The following BPTF variants were observed in gnomAD, a reference collection of about 807,000 sequenced individuals.
The protein encoded by BPTF is nucleosome-remodeling factor subunit BPTF.
Under a neutral mutation model 292.5 loss-of-function variants are expected in BPTF, and 18 were observed. The observed-to-expected ratio is 0.06, with a 90% CI of 0.04 to 0.09. BPTF has a LOEUF of 0.09. Ranked by LOEUF, BPTF falls within the 10% of genes least tolerant of loss-of-function variation. The pLI is 1.00. For missense variants in BPTF, 2,726 were observed against 3,498.7 expected, an observed-to-expected ratio of 0.78 and a Z score of 5.57; for synonymous variants, 1,225 against 1,251.9, an observed-to-expected ratio of 0.98 and a Z score of 0.45.
intron 13 of BPTF, among the ~76,000 whole-genome samples, chr17:67,921,803 G>A (rs1204579168): frequency 5.9e-5 from 9 of 152,112 alleles, no homozygotes; most frequent in African/African-American, 1.9e-4. Flanking sequence ...AGGCCAAGGC[G>A]GGTGGGTCAT....
chr17:67,896,023 G>A (rs2061419220), intron 7 of BPTF, among the ~76,000 whole-genome samples: 1 of 150,916 alleles, frequency 6.6e-6, no homozygotes, highest in South Asian at 2.1e-4. Context: ...GAGTGCAGTG[G>A]CGTGATCTCG....
rs1785900439 is a variant in BPTF at position 67,853,966 on chromosome 17, C to G, written c.640C>G (p.Pro214Ala). Residue 214 changes from proline (P) to alanine (A), a missense_variant, in exon 2 of 28, where the codon CCT (proline) becomes GCT (alanine). Pro to Ala is a conservative substitution (Grantham distance 27). This residue lies in a region of BPTF where 153 missense variants were observed against 178.3 expected (regional missense o/e 0.86). Transcript: ENST00000306378. ...TAGGCGAAAACCAAGAGTACATCGG[C>G]CTCGTTCTCCTATATTGGAAGAAAA... The part of the protein sequence containing the change: ...PGRRKPRVHR[P>A]RSPILEEKDI... 1.9e-6 allele frequency: 3 copies of G among 1,612,816 alleles called. No homozygotes were observed. Among genetic ancestry groups the G allele is most frequent in the Middle Eastern group, 3.3e-4 (2 of 6,058 alleles).
chr17:67,955,303 AAG>A (rs2066822714), intron 23 of BPTF: 1 of 127,582 alleles, frequency 7.8e-6, no homozygotes, highest in African/African-American at 2.7e-5. Flanking sequence ...AAAAAAAAAA[AAG>A]CTTCCTGAGG....
chr17:67,875,719 A>G, intron 4 of BPTF: 1 of 1,601,066 alleles, frequency 6.2e-7, no homozygotes, highest in Non-Finnish European at 8.5e-7. Flanking sequence ...AGAAGGTGGC[A>G]TCTGAGCTCC....
intron 4 of BPTF, 94 bp downstream of exon 4, chr17:67,875,114 G>A (rs2059976005): frequency 2.9e-6 from 3 of 1,024,276 alleles, no homozygotes; most frequent in South Asian, 3.1e-5. Flanking sequence ...AATATTGCAA[G>A]CAGCTACCTA....
chr17:67,937,785 ACTTATCC>A (rs1568120264), intron 18 of BPTF, among the ~76,000 whole-genome samples: 1 of 152,098 alleles, frequency 6.6e-6, no homozygotes, highest in Non-Finnish European at 1.5e-5. Context: ...TCACACTGGA[ACTTATCC>A]CTCTTCCTAC....
intron 4 of BPTF, among the ~76,000 whole-genome samples, chr17:67,880,117 T>A (rs904838483): frequency 1.3e-5 from 2 of 152,194 alleles, no homozygotes; most frequent in Non-Finnish European, 2.9e-5. Flanking sequence ...CGTATCTTTT[T>A]TATATATATA....
chr17:67,828,245 A>G (rs2056301862), intron 1 of BPTF, among the ~76,000 whole-genome samples: 1 of 152,002 alleles, frequency 6.6e-6, no homozygotes, highest in African/African-American at 2.4e-5. Context: ...CGTTTTTTAT[A>G]GTAATAATTT....
At chr17:67,857,700 C>T (rs1230301336) in intron 2 of BPTF, among the ~76,000 whole-genome samples, 2 of 151,504 alleles carry the variant, frequency 1.3e-5, no homozygotes, top group Non-Finnish European at 2.9e-5. Context: ...CTTGTGAGCT[C>T]GAGCCATCTG....
At chr17:67,892,347 A>G (rs1302864210) in intron 5 of BPTF, among the ~76,000 whole-genome samples, 2 of 152,190 alleles carry the variant, frequency 1.3e-5, no homozygotes, top group African/African-American at 4.8e-5. Context: ...TGAGTAGGCT[A>G]TTTTGGGTTT....
chr17:67,931,302 AAATGAATG>A (rs974697240), intron 17 of BPTF, among the ~76,000 whole-genome samples: 1 of 151,798 alleles, frequency 6.6e-6, no homozygotes, highest in Non-Finnish European at 1.5e-5. Context: ...CTAAATAAGT[AAATGAATG>A]AATGAATGAA....
chr17:67,839,952 GT>G lies in BPTF; in HGVS notation c.613+13625del, dbSNP rs552165061. Among the ~76,000 whole-genome samples the G allele has an allele frequency of 4.5e-3, 672 of 149,086 alleles. 5 individuals are homozygous for G. Among genetic ancestry groups the G allele is most frequent in the African/African-American group, 0.015 (628 of 40,666 alleles). On this transcript the variant is annotated intron_variant, in intron 1 of 27. Transcript: ENST00000306378. ...TCCTCCCTAGTACTTGATATTGTCA[GT>G]TTTTTTTTTAAAAGACACCTTAATA...
chr17:67,867,775 TC>T (rs1448034217), intron 3 of BPTF, among the ~76,000 whole-genome samples: 2 of 152,164 alleles, frequency 1.3e-5, no homozygotes, highest in Non-Finnish European at 2.9e-5. Context: ...GCAATTCTCA[TC>T]TTCTTATCAA....
chr17:67,964,470 AGGATTTC>A, intron 25 of BPTF, 66 bp downstream of exon 25: 3 of 1,493,584 alleles, frequency 2.0e-6, no homozygotes, highest in Non-Finnish European at 2.7e-6. Flanking sequence ...AAGCATTTCT[AGGATTTC>A]AAGTTTCCAA....
At chr17:67,859,991 T>C (rs2058977790) in intron 2 of BPTF, among the ~76,000 whole-genome samples, 1 of 152,210 alleles carries the variant, frequency 6.6e-6, no homozygotes, top group African/African-American at 2.4e-5. Context: ...TTATTTTTCT[T>C]AGTGGAACAG....
intron 27 of BPTF, chr17:67,981,331 A>G (rs2070329602): frequency 7.3e-6 from 2 of 275,126 alleles, no homozygotes; most frequent in Non-Finnish European, 1.2e-5. Flanking sequence ...CCTTTGCCAT[A>G]TTTTCCCATT....
chr17:67,881,860 T>TTTTTG lies in BPTF; in HGVS notation c.1864+6844_1864+6845insGTTTT, dbSNP rs1252732420. Among the ~76,000 whole-genome samples the TTTTTG allele has an allele frequency of 9.0e-5, 3 of 33,262 alleles. 1 individual carries two copies. Among genetic ancestry groups the TTTTTG allele is most frequent in the Non-Finnish European group, 1.8e-4 (3 of 16,894 alleles). The allele number at this position is 33,262 out of a possible 152,430, so 21.8% of individuals were successfully genotyped here. On this transcript the variant is annotated intron_variant, in intron 4 of 27. Transcript: ENST00000306378. Reference sequence around the variant, plus strand: ...AGTTTTGGGGATTTTGGGTTTTTGTTTTTTTTTTTTTTTTTTTTTTTTTTG... The same window carrying TTTTTG: ...AGTTTTGGGGATTTTGGGTTTTTGTTTTTTGTTTTTTTTTTTTTTTTTTTTTTTTG...
At chr17:67,960,133 CTCT>C (rs2067336277) in intron 24 of BPTF, 3 of 343,728 alleles carry the variant, frequency 8.7e-6, no homozygotes, top group African/African-American at 6.4e-5. Flanking sequence ...CCTTTGCTTT[CTCT>C]TCTTCCCTCT....
intron 1 of BPTF, among the ~76,000 whole-genome samples, chr17:67,847,823 A>G (rs2058138873): frequency 6.6e-6 from 1 of 152,190 alleles, no homozygotes; most frequent in Non-Finnish European, 1.5e-5. Flanking sequence ...TTAATGCTAG[A>G]TTGGGACACT....
Sources: gnomAD v4.1 joint callset for allele counts (sites outside exome capture counted in the v4.1 genomes callset) on GRCh38, gnomAD v4.1.1 for gene constraint, gnomAD v4.1.1 regional missense constraint, MANE v1.5 for transcripts, NCBI Gene and HGNC (gene_info 2026-07-23, HGNC 2026-07-21) for gene names.